THSD7A: variants seen among roughly 807,000 people sequenced by gnomAD.
THSD7A encodes thrombospondin type 1 domain containing 7A, also known as thrombospondin type-1 domain-containing protein 7A.
In THSD7A, 96 loss-of-function variants were observed where a neutral mutation model predicts 231.3. That is an observed-to-expected ratio of 0.41 (90% CI 0.35 to 0.49). The LOEUF is 0.49. THSD7A is among the 20% of genes least tolerant of loss of function. THSD7A has a pLI of 0.05. For missense variants in THSD7A, 2,290 were observed against 2,070.2 expected (o/e 1.11, Z -2.06); for synonymous variants, 940 against 743.3 (o/e 1.26, Z -4.30).
intron 1 of THSD7A, among the ~76,000 whole-genome samples, chr7:11,778,933 A>C (rs185990284): frequency 1.3e-5 from 2 of 152,246 alleles, no homozygotes; most frequent in East Asian, 3.9e-4. Context: ...ACTTTATCTT[A>C]TTTTATTCTT....
chr7:11,653,521 T>G (rs572459228), intron 1 of THSD7A, among the ~76,000 whole-genome samples: 12 of 150,158 alleles, frequency 8.0e-5, no homozygotes, highest in Non-Finnish European at 1.6e-4. Flanking sequence ...AGAGTCTTGC[T>G]ATGTTGCCCA....
At chr7:11,625,373 G>T (rs1350676736) in intron 2 of THSD7A, among the ~76,000 whole-genome samples, 1 of 151,978 alleles carries the variant, frequency 6.6e-6, no homozygotes, top group Non-Finnish European at 1.5e-5. Context: ...CTTGTATTAA[G>T]CACAGCAGTA....
rs533402385 is a variant in THSD7A, at chr7:11,500,310, A to T, written c.1823-18328T>A. On this transcript the variant is annotated intron_variant, in intron 6 of 27. Transcript: ENST00000423059. ...TTCATTACCACACAAGAGATCTTGA[A>T]AGGAGCACTAAATATAGACAGGAAA... is the stretch of plus-strand genomic sequence containing the variant. Among the ~76,000 whole-genome samples the T allele has an allele frequency of 1.3e-4, 20 of 152,340 alleles. No individual in the cohort carries two copies. The South Asian group carries it at 3.5e-3, about 27-fold the overall frequency.
intron 19 of THSD7A, among the ~76,000 whole-genome samples, chr7:11,410,949 T>C (rs759318067): frequency 2.6e-5 from 4 of 152,038 alleles, no homozygotes; most frequent in African/African-American, 4.8e-5. Flanking sequence ...CCTTACGTAT[T>C]GTTCCCCAAG....
At chr7:11,607,171 A>C (rs1333351325) in intron 2 of THSD7A, among the ~76,000 whole-genome samples, 1 of 152,168 alleles carries the variant, frequency 6.6e-6, no homozygotes, top group East Asian at 1.9e-4. Flanking sequence ...ACTCAGATTT[A>C]GTACTAGAAT....
intron 1 of THSD7A, among the ~76,000 whole-genome samples, chr7:11,795,143 A>G (rs1784084977): frequency 1.3e-5 from 2 of 151,964 alleles, no homozygotes; most frequent in South Asian, 4.1e-4. Flanking sequence ...GTTTTATAAA[A>G]GATTTGAGAG....
At chr7:11,490,671 G>C (rs548839078) in intron 6 of THSD7A, among the ~76,000 whole-genome samples, 2 of 152,026 alleles carry the variant, frequency 1.3e-5, no homozygotes, top group South Asian at 4.2e-4. Context: ...TTCTTGAATA[G>C]TTCTTTCTTG....
At chr7:11,699,048 C>T (rs1381607910) in intron 1 of THSD7A, among the ~76,000 whole-genome samples, 1 of 149,950 alleles carries the variant, frequency 6.7e-6, no homozygotes, top group East Asian at 2.0e-4. Context: ...AATTAAGAGC[C>T]AGAATAGTCC....
chr7:11,462,056 T>TAG lies in THSD7A; in HGVS notation c.2454_2455dup (p.Tyr819SerfsTer28). 2 of 1,613,822 alleles carry TAG rather than the reference T, an allele frequency of 1.2e-6. No homozygotes were observed. Among genetic ancestry groups the TAG allele is most frequent in the Non-Finnish European group, 1.7e-6 (2 of 1,179,738 alleles). On this transcript the variant is annotated frameshift_variant, in exon 10 of 28. Transcript: ENST00000423059. LOFTEE classifies it high-confidence loss of function. ...AGGTGCCTCACAGGCCTTCTCTTCA[T>TAG]AGAGGGGATCTGTGCAGTCTCGGCC...
At chr7:11,376,487 G>C in intron 27 of THSD7A, 83 bp downstream of exon 27, 1 of 1,032,508 alleles carries the variant, frequency 9.7e-7, no homozygotes, top group Non-Finnish European at 1.4e-6. Context: ...GATAAATGTA[G>C]AGTACTTATT....
At chr7:11,472,858 C>T (rs1169525830) in intron 8 of THSD7A, among the ~76,000 whole-genome samples, 1 of 152,110 alleles carries the variant, frequency 6.6e-6, no homozygotes, top group African/African-American at 2.4e-5. Flanking sequence ...CCTCATCCTG[C>T]GCCACAACAG....
intron 4 of THSD7A, among the ~76,000 whole-genome samples, chr7:11,549,669 A>T (rs916434002): frequency 2.6e-5 from 4 of 152,158 alleles, no homozygotes; most frequent in Admixed American, 6.5e-5. Flanking sequence ...CAGCAAACTA[A>T]CACAGGAAAA....
rs116185367 is a variant in THSD7A at position 11,709,090 on chromosome 7, A to C, written c.191-72129T>G. ...GTGAATAAAATATAATCCTGCTCTT[A>C]TGTAAATCACTAGTATAATCTGAGC... On this transcript the variant is annotated intron_variant, in intron 1 of 27. Transcript: ENST00000423059. Among the ~76,000 whole-genome samples the C allele has an allele frequency of 5.7e-3, 865 of 150,952 alleles. 12 individuals carry two copies. The highest frequency in any genetic ancestry group is 0.02 in the African/African-American group (814 of 41,420).
intron 6 of THSD7A, among the ~76,000 whole-genome samples, chr7:11,536,194 G>C (rs1788908525): frequency 1.3e-5 from 2 of 152,154 alleles, no homozygotes; most frequent in South Asian, 4.1e-4. Context: ...CCTCCTAAGT[G>C]GCAGCGGACT....
At chr7:11,391,418 C>G (rs555320339) in intron 23 of THSD7A, among the ~76,000 whole-genome samples, 9 of 152,314 alleles carry the variant, frequency 5.9e-5, no homozygotes, top group African/African-American at 2.2e-4. Flanking sequence ...ACAGCCTACT[C>G]AAGCCTCAGT....
chr7:11,779,791 C>T (rs6943919), intron 1 of THSD7A, among the ~76,000 whole-genome samples: 76,896 of 151,968 alleles, frequency 0.51, 20,017 homozygotes, highest in East Asian at 0.64. Context: ...AGAAGTATTA[C>T]AAAACACAAC....
chr7:11,730,001 T>G (rs774581119), intron 1 of THSD7A, among the ~76,000 whole-genome samples: 1 of 151,764 alleles, frequency 6.6e-6, no homozygotes, highest in Non-Finnish European at 1.5e-5. Context: ...TAGGAAATGC[T>G]GAAATTTTCA....
chr7:11,609,332 C>T (rs1410174875), intron 2 of THSD7A, among the ~76,000 whole-genome samples: 5 of 151,998 alleles, frequency 3.3e-5, no homozygotes, highest in South Asian at 2.1e-4. Flanking sequence ...AAGCCTGCCC[C>T]GGCCCATGAA....
intron 4 of THSD7A, among the ~76,000 whole-genome samples, chr7:11,571,500 T>A (rs1461530798): frequency 1.3e-5 from 2 of 152,218 alleles, no homozygotes; most frequent in East Asian, 3.8e-4. Flanking sequence ...GTATATGGAC[T>A]ATTTTAAATT....
Sources: gnomAD v4.1 joint callset for allele counts (sites outside exome capture counted in the v4.1 genomes callset) on GRCh38, gnomAD v4.1.1 for gene constraint, MANE v1.5 for transcripts, NCBI Gene and HGNC (gene_info 2026-07-23, HGNC 2026-07-21) for gene names.